Variants in SNAPC5 observed in about 807,000 individuals in gnomAD.
SNAPC5 encodes small nuclear RNA activating complex polypeptide 5, also known as snRNA-activating protein complex subunit 5.
A neutral mutation model predicts 9.1 loss-of-function variants in SNAPC5; 12 were observed. The observed-to-expected ratio is 1.32, with a 90% CI of 0.85 to 2.15. The LOEUF (loss-of-function observed/expected upper bound fraction) is 2.15. Ranked by LOEUF, SNAPC5 falls within the 30% of genes most tolerant of loss-of-function variation. SNAPC5 has a pLI of 0.00. For synonymous variants in SNAPC5, 52 were observed against 47.3 expected (o/e 1.10, Z -0.41); for missense variants, 132 against 114.4 (o/e 1.15, Z -0.70).
Position 66,494,092 on chromosome 15 carries a change from C to T in SNAPC5, c.*344G>A, listed in dbSNP as rs1893344218. The stretch of plus-strand genomic sequence containing the variant: ...AGGCATTGTTGACTGGAAAGACTGG[C>T]TTGTATTTAAACTCTGCTCTTTTTG... On this transcript the variant is annotated 3_prime_UTR_variant, in exon 3 of 3. Coordinates refer to ENST00000316634, the MANE Select transcript of SNAPC5 (RefSeq NM_001329615.2). 1 of 214,966 alleles carries T rather than the reference C, an allele frequency of 4.7e-6. No individual in the cohort carries two copies. 13.3% of individuals were successfully genotyped at this position (214,966 alleles called of 1,614,324 possible).
At chr15:66,490,135 A>G (rs1465879261), downstream of SNAPC5, 5 of 512,942 alleles carry the variant, frequency 9.7e-6, no homozygotes, top group Non-Finnish European at 1.8e-5. Flanking sequence ...CAGTGGAAAT[A>G]GCTAAGTAAT....
downstream of SNAPC5, chr15:66,490,895 T>C (rs890100403): frequency 2.0e-5 from 10 of 509,632 alleles, no homozygotes; most frequent in African/African-American, 1.7e-4. Flanking sequence ...TACAGTGAAA[T>C]TTTGGTGAAT....
rs199510808 is a variant in SNAPC5 at position 66,495,377 on chromosome 15, C to G, written c.133G>C (p.Gly45Arg). 308 of 1,609,524 alleles carry G rather than the reference C, an allele frequency of 1.9e-4. No individual in the cohort carries two copies. The highest frequency in any genetic ancestry group is 2.6e-4 in the Non-Finnish European group (306 of 1,175,736). ...GTGTGAGAAGACAGCATCTCATCCC[C>G]TCTTCTAGAACTGATCATTGATTGG... ...ALQSMISSRR[G>R]DEMLSSHTVP... The change falls in exon 2 of 3, where the codon GGG becomes CGG. Residue 45 changes from glycine to arginine, a missense_variant. Gly to Arg is a moderately radical substitution (Grantham distance 125, BLOSUM62 -2). Transcript: ENST00000316634.
chr15:66,491,231 T>C (rs1893247592), downstream of SNAPC5: 1 of 245,382 alleles, frequency 4.1e-6, no homozygotes, highest in Non-Finnish European at 8.0e-6. Flanking sequence ...TCTACTGTGG[T>C]GATCTGTAGA....
At chr15:66,492,228 TATTTTCTTTG>T, downstream of SNAPC5, 1 of 279,662 alleles carries the variant, frequency 3.6e-6, no homozygotes, top group South Asian at 3.0e-5. Context: ...CTCCGCTCAT[TATTTTCTTTG>T]AAAGGGCAGG....
At chr15:66,493,041 T>C (rs1180979187), downstream of SNAPC5, among the ~76,000 whole-genome samples, 6 of 152,242 alleles carry the variant, frequency 3.9e-5, no homozygotes, top group Non-Finnish European at 8.8e-5. Flanking sequence ...CTTCCCATTG[T>C]GTGTTCTAAG....
At chr15:66,491,801 G>A (rs1893266972), downstream of SNAPC5, 1 of 384,250 alleles carries the variant, frequency 2.6e-6, no homozygotes, top group South Asian at 1.9e-5. Flanking sequence ...AATAGATCCT[G>A]TATATTCCTT....
chr15:66,490,227 A>T, downstream of SNAPC5: 1 of 588,148 alleles, frequency 1.7e-6, no homozygotes, highest in South Asian at 1.8e-5. Context: ...GTCCCTTCTA[A>T]CAAGCCTGTG....
chr15:66,496,683 C>T (rs562542489), intron 1 of SNAPC5, among the ~76,000 whole-genome samples: 3 of 151,920 alleles, frequency 2.0e-5, no homozygotes, highest in East Asian at 3.9e-4. Flanking sequence ...CCACCACGCT[C>T]AGCTAATTTT....
rs1161700656 is a variant in SNAPC5 at position 66,493,810 on chromosome 15, G to A, written c.*626C>T. 1 of 137,858 alleles carries A rather than the reference G, an allele frequency of 7.3e-6. No homozygotes were observed. The highest frequency in any genetic ancestry group is 7.8e-5 in the Admixed American group (1 of 12,810). The allele number at this position is 137,858 out of a possible 1,614,324, so 8.5% of individuals were successfully genotyped here. ...CTCTGTCGCTATCTAGAAACCAGCA[G>A]GCTCCATGATGGCTACTTATAAATT... On this transcript the variant is annotated 3_prime_UTR_variant, in exon 3 of 3. Transcript: ENST00000316634.
chr15:66,489,788 T>C, downstream of SNAPC5: 1 of 1,590,078 alleles, frequency 6.3e-7, no homozygotes, highest in Non-Finnish European at 8.6e-7. Context: ...TCCGGATTCT[T>C]ACAGTACCTG....
At position 66,495,503 on chromosome 15, in the gene SNAPC5, C is replaced by T. The variant is rs1398217863; in HGVS notation, c.91-84G>A. 3.7e-5 allele frequency: 29 copies of T among 780,178 alleles called. No individual in the cohort carries two copies. The Admixed American group carries it at 5.3e-4, about 14-fold the overall frequency. The allele number at this position is 780,178 out of a possible 1,614,324, so 48.3% of individuals were successfully genotyped here. ...GTAAACTGCTGGGCACACTATGAAA[C>T]ATTTGCATCAAGAGAGGGAATGAAA... On this transcript the variant is annotated intron_variant, in intron 1 of 2. Transcript: ENST00000316634.
downstream of SNAPC5, chr15:66,490,075 C>T: frequency 1.8e-6 from 1 of 542,458 alleles, no homozygotes; most frequent in Non-Finnish European, 3.3e-6. Flanking sequence ...CCTCATCTTA[C>T]ATTCAGCCTC....
At chr15:66,496,465 C>CAA (rs77738489) in intron 1 of SNAPC5, among the ~76,000 whole-genome samples, 3 of 149,918 alleles carry the variant, frequency 2.0e-5, no homozygotes, top group East Asian at 2.0e-4. Flanking sequence ...AACTCTGTCT[C>CAA]AAAAAAAAGA....
chr15:66,493,776 G>T lies in SNAPC5; in HGVS notation c.*660C>A, dbSNP rs540782496. Reference sequence around the variant, plus strand: ...GTATCTTTTCCTCAGAGAAGGAACTGCTGCTTCTCTCTGTCGCTATCTAGA... The same window carrying T: ...GTATCTTTTCCTCAGAGAAGGAACTTCTGCTTCTCTCTGTCGCTATCTAGA... On this transcript the variant is annotated 3_prime_UTR_variant, in exon 3 of 3. Transcript: ENST00000316634. The T allele has an allele frequency of 1.3e-5, 2 of 152,362 alleles. No individual in the cohort carries two copies. Among genetic ancestry groups the T allele is most frequent in the African/African-American group, 4.8e-5 (2 of 41,586 alleles). The allele number at this position is 152,362 out of a possible 1,614,324, so 9.4% of individuals were successfully genotyped here. A position where few individuals can be genotyped will look rare whatever the true frequency, so the allele number is the denominator to read the frequency against.
At chr15:66,491,611 CA>C (rs1406230649), downstream of SNAPC5, 1 of 193,896 alleles carries the variant, frequency 5.2e-6, no homozygotes, top group African/African-American at 2.4e-5. Context: ...AGCCAAGCAA[CA>C]CTGGTGAGGG....
chr15:66,495,557 G>T, intron 1 of SNAPC5, 138 bp from the exon 2 acceptor site: 1 of 626,758 alleles, frequency 1.6e-6, no homozygotes, highest in Non-Finnish European at 2.9e-6. Flanking sequence ...TAGAGGGAAA[G>T]TTGAGGGGGT....
downstream of SNAPC5, among the ~76,000 whole-genome samples, chr15:66,492,721 T>C (rs904849377): frequency 2.0e-5 from 3 of 152,300 alleles, no homozygotes; most frequent in South Asian, 2.1e-4. Context: ...CCAAGAATTA[T>C]GATCCCCGCA....
chr15:66,490,166 C>T (rs1893200405), downstream of SNAPC5: 5 of 514,754 alleles, frequency 9.7e-6, no homozygotes, highest in East Asian at 1.8e-4. Flanking sequence ...TCTGGACAGC[C>T]ATAGACGGTG....
Sources: gnomAD v4.1 joint callset for allele counts (sites outside exome capture counted in the v4.1 genomes callset) on GRCh38, gnomAD v4.1.1 for gene constraint, MANE v1.5 for transcripts, NCBI Gene and HGNC (gene_info 2026-07-23, HGNC 2026-07-21) for gene names.